The following MCC variants were observed in gnomAD, a reference collection of about 807,000 sequenced individuals.
The protein encoded by MCC is MCC regulator of Wnt signaling pathway, also known as colorectal mutant cancer protein.
MCC carries 90 observed loss-of-function variants against 116.2 expected under a neutral mutation model. That is an observed-to-expected ratio of 0.77 (90% CI 0.65 to 0.92). The LOEUF (loss-of-function observed/expected upper bound fraction) is 0.92, where lower values mean the gene tolerates loss of function less well. Among genes scored for constraint, MCC ranks in the 40% least tolerant of loss-of-function variants. The pLI is 0.00. For synonymous variants in MCC, 578 were observed against 510.5 expected (o/e 1.13, Z -1.78); for missense variants, 1,516 against 1,312.2 (o/e 1.16, Z -2.40).
chr5:113,334,880 C>T (rs896232175), intron 3 of MCC, among the ~76,000 whole-genome samples: 1 of 151,584 alleles, frequency 6.6e-6, no homozygotes, highest in Non-Finnish European at 1.5e-5. Context: ...CGTGAGCCAC[C>T]GTGCCCAGCC....
intron 2 of MCC, among the ~76,000 whole-genome samples, chr5:113,364,262 C>CAAAAAAAAAAAAAAAAAAAA (rs1561538969): frequency 2.5e-5 from 2 of 78,596 alleles, no homozygotes; most frequent in Admixed American, 1.1e-4. Context: ...AAAAAAAAAC[C>CAAAAAAAAAAAAAAAAAAAA]AGAAAAAAAA....
chr5:113,132,375 TATATATACATAC>T (rs1162038737), intron 5 of MCC, among the ~76,000 whole-genome samples: 5 of 131,322 alleles, frequency 3.8e-5, no homozygotes, highest in African/African-American at 1.3e-4. Flanking sequence ...TGTGTGTGTA[TATATATACATAC>T]ATATATATAT....
chr5:113,335,354 G>C (rs1767845847), intron 3 of MCC, among the ~76,000 whole-genome samples: 1 of 151,602 alleles, frequency 6.6e-6, no homozygotes, highest in Non-Finnish European at 1.5e-5. Context: ...TAATTTTAAT[G>C]TACATCAATT....
At chr5:113,387,817 T>G (rs1447888525) in intron 1 of MCC, among the ~76,000 whole-genome samples, 1 of 152,226 alleles carries the variant, frequency 6.6e-6, no homozygotes, top group Non-Finnish European at 1.5e-5. Flanking sequence ...TCCTGGCACA[T>G]ATTAAGTACT....
intron 2 of MCC, among the ~76,000 whole-genome samples, chr5:113,348,280 C>T (rs1768181307): frequency 6.6e-6 from 1 of 151,990 alleles, no homozygotes; most frequent in Non-Finnish European, 1.5e-5. Context: ...CCTCAGCACA[C>T]AGATCATTCT....
intron 3 of MCC, among the ~76,000 whole-genome samples, chr5:113,219,959 T>C (rs952908141): frequency 1.3e-5 from 2 of 151,768 alleles, no homozygotes; most frequent in African/African-American, 4.8e-5. Context: ...TGAAATTAGA[T>C]AGTATACATC....
chr5:113,441,546 G>A (rs1370770780), intron 1 of MCC, among the ~76,000 whole-genome samples: 3 of 151,914 alleles, frequency 2.0e-5, no homozygotes, highest in Non-Finnish European at 4.4e-5. Context: ...GTACATGTGC[G>A]GAACGTGCAG....
intron 8 of MCC, among the ~76,000 whole-genome samples, chr5:113,097,852 C>A (rs1383806323): frequency 6.6e-6 from 1 of 152,150 alleles, no homozygotes; most frequent in Non-Finnish European, 1.5e-5. Flanking sequence ...TTCAAAATAG[C>A]ATGTCTACTT....
intron 17 of MCC, among the ~76,000 whole-genome samples, 195 bp downstream of exon 17, chr5:113,043,335 T>C (rs1424011513): frequency 6.6e-6 from 1 of 152,234 alleles, no homozygotes; most frequent in Admixed American, 6.5e-5. Context: ...GCCTAAGTGC[T>C]GTCTCTTAAG....
At chr5:113,143,193 G>A in intron 5 of MCC, 25 bp downstream of exon 5, 1 of 1,576,706 alleles carries the variant, frequency 6.3e-7, no homozygotes, top group East Asian at 2.3e-5. Context: ...AAGGGGCAGA[G>A]TAAAAGCCGA....
chr5:113,435,359 A>G (rs1249311280), intron 1 of MCC, among the ~76,000 whole-genome samples: 1 of 151,102 alleles, frequency 6.6e-6, no homozygotes, highest in Non-Finnish European at 1.5e-5. Flanking sequence ...CCAAGATAGT[A>G]GCAGACCCCT....
At chr5:113,083,097 G>C in intron 10 of MCC, 89 bp from the exon 11 acceptor site, 2 of 1,287,534 alleles carry the variant, frequency 1.6e-6, no homozygotes, top group South Asian at 1.5e-5. Context: ...CTGATATTCC[G>C]TGAGAATCGG....
At chr5:113,426,295 G>T (rs1187253880) in intron 1 of MCC, among the ~76,000 whole-genome samples, 1 of 152,102 alleles carries the variant, frequency 6.6e-6, no homozygotes, top group African/African-American at 2.4e-5. Flanking sequence ...CTAGAAACAT[G>T]GGAGGCTTGA....
intron 6 of MCC, among the ~76,000 whole-genome samples, chr5:113,105,155 GCC>G (rs1756656245): frequency 1.3e-5 from 2 of 152,180 alleles, no homozygotes; most frequent in African/African-American, 4.8e-5. Context: ...CTATCGCCAT[GCC>G]ATTCAATTAT....
chr5:113,118,906 T>A (rs1757557699), intron 6 of MCC, among the ~76,000 whole-genome samples: 1 of 152,162 alleles, frequency 6.6e-6, no homozygotes, highest in Non-Finnish European at 1.5e-5. Context: ...CCCTGCCCGG[T>A]GCACCCTCCT....
At chr5:113,468,024 T>C (rs1379461673) in intron 1 of MCC, among the ~76,000 whole-genome samples, 1 of 152,238 alleles carries the variant, frequency 6.6e-6, no homozygotes, top group African/African-American at 2.4e-5. Flanking sequence ...TTTTTGCACA[T>C]TGATTTTGTA....
intron 3 of MCC, among the ~76,000 whole-genome samples, chr5:113,165,686 G>C (rs1760729707): frequency 6.6e-6 from 1 of 152,110 alleles, no homozygotes; most frequent in Admixed American, 6.5e-5. Context: ...ACGTTTATTG[G>C]TTGTTTCTGA....
At chr5:113,300,904 C>T (rs1217526663) in intron 3 of MCC, among the ~76,000 whole-genome samples, 2 of 152,208 alleles carry the variant, frequency 1.3e-5, no homozygotes, top group Non-Finnish European at 2.9e-5. Flanking sequence ...TGATCTGTAT[C>T]CTCATCTCTA....
At chr5:113,080,897 T>G (rs1207280360) in intron 11 of MCC, among the ~76,000 whole-genome samples, 1 of 152,058 alleles carries the variant, frequency 6.6e-6, no homozygotes, top group African/African-American at 2.4e-5. Flanking sequence ...TTCTTGGATC[T>G]TTCTTATCAT....
Sources: gnomAD v4.1 joint callset for allele counts (sites outside exome capture counted in the v4.1 genomes callset) on GRCh38, gnomAD v4.1.1 for gene constraint, MANE v1.5 for transcripts, NCBI Gene and HGNC (gene_info 2026-07-23, HGNC 2026-07-21) for gene names.